RTN4IP1: variants seen among roughly 807,000 people sequenced by gnomAD.
The protein encoded by RTN4IP1 is reticulon 4 interacting protein 1.
Under a neutral mutation model 46.6 loss-of-function variants are expected in RTN4IP1, and 32 were observed. The ratio of observed to expected loss-of-function variants is 0.69; its 90% CI spans 0.52 to 0.92. RTN4IP1 has a LOEUF of 0.92. Ranked by LOEUF, RTN4IP1 falls within the 40% of genes least tolerant of loss-of-function variation. RTN4IP1 has a pLI of 0.00. For missense variants in RTN4IP1, 424 were observed against 485.8 expected (o/e 0.87, Z 1.20); for synonymous variants, 167 against 161.8 (o/e 1.03, Z -0.24).
upstream of RTN4IP1, among the ~76,000 whole-genome samples, chr6:106,630,369 C>CT (rs1477183334): frequency 1.3e-5 from 2 of 151,314 alleles, no homozygotes; most frequent in Admixed American, 6.6e-5. Flanking sequence ...TTTCTGAATT[C>CT]TTAATAGACT....
At chr6:106,577,447 CAAAA>C (rs58921891) in intron 8 of RTN4IP1, among the ~76,000 whole-genome samples, 920 of 55,344 alleles carry the variant, frequency 0.017, 10 homozygotes, top group African/African-American at 0.069. Flanking sequence ...GACCCTGTCT[CAAAA>C]AAAAAAAAAA....
chr6:106,609,069 T>C (rs762540322), intron 4 of RTN4IP1, among the ~76,000 whole-genome samples: 2 of 152,218 alleles, frequency 1.3e-5, no homozygotes, highest in African/African-American at 2.4e-5. Context: ...GAGGTCTCCT[T>C]TCCCTTGAAG....
chr6:106,604,895 C>CAG (rs1776025551), intron 4 of RTN4IP1, among the ~76,000 whole-genome samples: 1 of 152,186 alleles, frequency 6.6e-6, no homozygotes, highest in Non-Finnish European at 1.5e-5. Context: ...GCCACCAACA[C>CAG]TGACAGTGAC....
At chr6:106,598,017 G>A (rs77805209) in intron 5 of RTN4IP1, among the ~76,000 whole-genome samples, 2 of 152,110 alleles carry the variant, frequency 1.3e-5, no homozygotes, top group South Asian at 2.1e-4. Flanking sequence ...CCTACAAAGG[G>A]CATGAACTCA....
At chr6:106,606,252 C>T (rs540510483) in intron 4 of RTN4IP1, among the ~76,000 whole-genome samples, 46 of 151,434 alleles carry the variant, frequency 3.0e-4, no homozygotes, top group African/African-American at 1.1e-3. Context: ...CAAAACCTAT[C>T]TCTACTAAAT....
At chr6:106,622,655 A>G (rs1776510671) in intron 2 of RTN4IP1, among the ~76,000 whole-genome samples, 163 bp downstream of exon 2, 1 of 152,194 alleles carries the variant, frequency 6.6e-6, no homozygotes, top group Admixed American at 6.5e-5. Flanking sequence ...AATAAATGCA[A>G]ACTTTGTCAG....
intron 1 of RTN4IP1, among the ~76,000 whole-genome samples, chr6:106,626,076 G>A (rs1326968970): frequency 1.3e-5 from 2 of 152,142 alleles, no homozygotes; most frequent in African/African-American, 4.8e-5. Context: ...TCCCAGAGTA[G>A]GTGAGGGGGA....
upstream of RTN4IP1, chr6:106,629,790 C>T: frequency 6.6e-7 from 1 of 1,510,286 alleles, no homozygotes; most frequent in Non-Finnish European, 9.0e-7. Context: ...GGCCTTACCA[C>T]GCATCTTGGC....
At chr6:106,585,213 C>G (rs1217425196) in intron 7 of RTN4IP1, among the ~76,000 whole-genome samples, 1 of 152,242 alleles carries the variant, frequency 6.6e-6, no homozygotes, top group East Asian at 1.9e-4. Flanking sequence ...CTGGCTCACA[C>G]CTATAATCCC....
intron 4 of RTN4IP1, among the ~76,000 whole-genome samples, chr6:106,610,697 G>A (rs1437683052): frequency 2.6e-5 from 4 of 151,846 alleles, no homozygotes; most frequent in East Asian, 1.9e-4. Context: ...ATTCAAAATC[G>A]CCAAGGTTTT....
intron 5 of RTN4IP1, among the ~76,000 whole-genome samples, chr6:106,592,566 T>C (rs893881029): frequency 6.6e-6 from 1 of 152,124 alleles, no homozygotes; most frequent in Non-Finnish European, 1.5e-5. Context: ...TGTCATGAAG[T>C]TATAACTAAT....
rs149926097 is a variant in RTN4IP1 at position 106,617,252 on chromosome 6, C to T, written c.620+1950G>A. On this transcript the variant is annotated intron_variant, in intron 4 of 8. Coordinates refer to ENST00000369063, the MANE Select transcript of RTN4IP1 (RefSeq NM_032730.5). ...ACTAAGACAGCAAGGTCTCACTGTG[C>T]TCACTGAGTCACTCAGGACAAATGT... Among the ~76,000 whole-genome samples the T allele has an allele frequency of 3.4e-3, 522 of 152,308 alleles. 6 individuals are homozygous for T. Among genetic ancestry groups the T allele is most frequent in the African/African-American group, 0.012 (484 of 41,554 alleles).
chr6:106,617,018 A>G (rs943123921), intron 4 of RTN4IP1, among the ~76,000 whole-genome samples: 6 of 152,126 alleles, frequency 3.9e-5, no homozygotes, highest in Non-Finnish European at 2.9e-5. Flanking sequence ...CTTATAAGAG[A>G]GAGAGACCCC....
At chr6:106,590,765 T>C (rs1480245818) in intron 6 of RTN4IP1, among the ~76,000 whole-genome samples, 2 of 150,186 alleles carry the variant, frequency 1.3e-5, no homozygotes, top group East Asian at 1.9e-4. Context: ...TACTGCTTTC[T>C]AGAAGCCAGA....
At chr6:106,573,095 T>C (rs1370012404) in intron 8 of RTN4IP1, among the ~76,000 whole-genome samples, 1 of 152,232 alleles carries the variant, frequency 6.6e-6, no homozygotes, top group African/African-American at 2.4e-5. Context: ...AGCCAGCTCA[T>C]AAATGTTTCA....
chr6:106,608,793 T>C (rs971371293), intron 4 of RTN4IP1, among the ~76,000 whole-genome samples: 1 of 152,212 alleles, frequency 6.6e-6, no homozygotes. Context: ...GAAAAAAGTA[T>C]GAAAAGTGCT....
chr6:106,628,495 A>G (rs1044955691), intron 1 of RTN4IP1, among the ~76,000 whole-genome samples: 1 of 152,144 alleles, frequency 6.6e-6, no homozygotes, highest in Non-Finnish European at 1.5e-5. Flanking sequence ...CTACAGACAC[A>G]GTTCTCAAGT....
At chr6:106,600,175 G>T (rs1021162365) in intron 5 of RTN4IP1, among the ~76,000 whole-genome samples, 8 of 151,970 alleles carry the variant, frequency 5.3e-5, no homozygotes, top group Non-Finnish European at 1.2e-4. Context: ...CTGGGTCTGG[G>T]GTGGTCTATA....
At chr6:106,577,797 G>C (rs547187544) in intron 8 of RTN4IP1, among the ~76,000 whole-genome samples, 1 of 152,248 alleles carries the variant, frequency 6.6e-6, no homozygotes, top group African/African-American at 2.4e-5. Context: ...CAGAAGCAGA[G>C]GTTGGAGTGA....
Sources: allele counts gnomAD v4.1 joint callset (sites outside exome capture counted in the v4.1 genomes callset), GRCh38; gene constraint gnomAD v4.1.1; transcripts MANE v1.5; gene names NCBI Gene and HGNC (gene_info 2026-07-23, HGNC 2026-07-21).